Variants in LTV1 observed in about 807,000 individuals in gnomAD.
LTV1 encodes the protein protein LTV1 homolog.
Under a neutral mutation model 59.9 loss-of-function variants are expected in LTV1, and 39 were observed. That is an observed-to-expected ratio of 0.65 (90% CI 0.50 to 0.85). The LOEUF (loss-of-function observed/expected upper bound fraction) is 0.85, where lower values mean the gene tolerates loss of function less well. Ranked by LOEUF, LTV1 falls within the 40% of genes least tolerant of loss-of-function variation. LTV1 has a pLI of 0.00. For missense variants in LTV1, 493 were observed against 549.1 expected (o/e 0.90, Z 1.02); for synonymous variants, 171 against 189.5 (o/e 0.90, Z 0.80).
chr6:143,856,643 G>A (rs1050063538), intron 4 of LTV1, among the ~76,000 whole-genome samples: 3 of 152,160 alleles, frequency 2.0e-5, no homozygotes, highest in Non-Finnish European at 2.9e-5. Flanking sequence ...ATTTGTTGAT[G>A]TTGATGCTAT....
rs201630595 is a variant in LTV1, at chr6:143,863,282, G to T, written c.1313G>T (p.Arg438Leu). Residue 438 changes from arginine to leucine, a missense_variant, in exon 10 of 11, where the codon CGC (arginine) becomes CTC (leucine). Coordinates refer to ENST00000367576, the MANE Select transcript of LTV1 (RefSeq NM_032860.5). The surrounding 1 kb of genome is among the most constrained non-coding windows in gnomAD (Gnocchi z 4.5). ...RARKQAIKEERKERRVEKKAN... is the reference protein window; with the variant it reads ...RARKQAIKEELKERRVEKKAN... ...AGAAAGCAAGCTATAAAAGAAGAGC[G>T]CAAGGTAAAATATATTTTTCAAATG... The T allele has an allele frequency of 6.8e-6, 11 of 1,612,484 alleles. No homozygotes were observed. Among genetic ancestry groups the T allele is most frequent in the Admixed American group, 1.7e-5 (1 of 59,744 alleles).
chr6:143,846,183 C>T lies in LTV1; in HGVS notation c.268C>T (p.His90Tyr). Residue 90 changes from histidine (H) to tyrosine (Y), a missense_variant, in exon 3 of 11, where the codon CAC (histidine) becomes TAC (tyrosine). Transcript: ENST00000367576. ...ELIPSSTFSA[H>Y]NRREEKEETL... ...TATTCCCTCAAGTACCTTCAGTGCA[C>T]ACAACAGGAGAGAGGAGAAAGAAGA... 1.9e-6 allele frequency: 3 copies of T among 1,614,116 alleles called. No homozygotes were observed. The highest frequency in any genetic ancestry group is 1.3e-5 in the African/African-American group (1 of 75,022).
chr6:143,846,479 TAGAC>T (rs144852789), intron 3 of LTV1, among the ~76,000 whole-genome samples: 3,038 of 152,312 alleles, frequency 0.02, 125 homozygotes, highest in African/African-American at 0.07. Context: ...ATGGCCATGT[TAGAC>T]AGCACTTTTC....
At chr6:143,843,580 C>T (rs186357791) in intron 1 of LTV1, 100 bp downstream of exon 1, 1 of 1,481,946 alleles carries the variant, frequency 6.7e-7, no homozygotes, top group East Asian at 2.3e-5. Context: ...GGGTCTGGGT[C>T]ATGCCAGAGG....
At chr6:143,854,981 G>A (rs182671071) in intron 4 of LTV1, among the ~76,000 whole-genome samples, 8 of 152,286 alleles carry the variant, frequency 5.3e-5, no homozygotes, top group Admixed American at 2.0e-4. Context: ...CCAGGGCTGA[G>A]TTCAAGTCCT....
chr6:143,844,661 G>GTTT, intron 2 of LTV1, 44 bp downstream of exon 2: 2 of 1,358,158 alleles, frequency 1.5e-6, no homozygotes, highest in Non-Finnish European at 2.0e-6. Context: ...GTAGACAATA[G>GTTT]TTTTTTTTTT....
intron 4 of LTV1, among the ~76,000 whole-genome samples, chr6:143,856,431 T>C (rs1156582537): frequency 6.6e-6 from 1 of 152,256 alleles, no homozygotes; most frequent in Non-Finnish European, 1.5e-5. Context: ...TGAAGCATAC[T>C]TCTGTCAATT....
At chr6:143,853,651 C>T (rs1777024050) in intron 4 of LTV1, among the ~76,000 whole-genome samples, 4 of 152,160 alleles carry the variant, frequency 2.6e-5, no homozygotes, top group Non-Finnish European at 1.5e-5. Flanking sequence ...CCATCAATAC[C>T]TAGTTTATTG....
At chr6:143,853,569 A>G (rs946924901) in intron 4 of LTV1, among the ~76,000 whole-genome samples, 1 of 152,224 alleles carries the variant, frequency 6.6e-6, no homozygotes, top group African/African-American at 2.4e-5. Flanking sequence ...GAATGCTTCC[A>G]GCTTTTGCCC....
In LTV1 at chr6:143,855,489, A is replaced by G. The variant is rs749222884; in HGVS notation, c.398-1814A>G. Among the ~76,000 whole-genome samples the G allele has an allele frequency of 6.6e-6, 1 of 152,182 alleles. No individual in the cohort carries two copies. The highest frequency in any genetic ancestry group is 1.5e-5 in the Non-Finnish European group (1 of 68,028). On this transcript the variant is annotated intron_variant, in intron 4 of 10. Transcript: ENST00000367576. This position sits in a 1 kb window ranked among gnomAD's most constrained non-coding sequence, Gnocchi z 4.6. The stretch of plus-strand genomic sequence containing the variant: ...TGTGTTATTTGATTCTGTCATTATG[A>G]TGCTAGCTGGTTATTTTGCCCATTA...
chr6:143,852,335 CT>C (rs1179034608), intron 4 of LTV1, among the ~76,000 whole-genome samples: 1 of 152,162 alleles, frequency 6.6e-6, no homozygotes, highest in East Asian at 1.9e-4. Context: ...TGATGATGAG[CT>C]TTTTTTCATG....
intron 4 of LTV1, among the ~76,000 whole-genome samples, chr6:143,852,314 A>G (rs759513652): frequency 1.8e-4 from 27 of 152,328 alleles, no homozygotes; most frequent in African/African-American, 5.8e-4. Flanking sequence ...TTGCATTTCT[A>G]TAATGACCAG....
At chr6:143,858,735 G>C (rs1329353673) in intron 6 of LTV1, 1 of 153,046 alleles carries the variant, frequency 6.5e-6, no homozygotes, top group East Asian at 1.9e-4. Context: ...GGCCAAGTCA[G>C]CTGATCCGCC....
chr6:143,844,357 G>A, intron 1 of LTV1, 129 bp from the exon 2 acceptor site: 1 of 938,346 alleles, frequency 1.1e-6, no homozygotes, highest in Admixed American at 2.5e-5. Flanking sequence ...GATGTTGCCT[G>A]CCCTAGAAGT....
At chr6:143,847,483 T>A (rs1382641783) in intron 3 of LTV1, among the ~76,000 whole-genome samples, 1 of 152,196 alleles carries the variant, frequency 6.6e-6, no homozygotes, top group Non-Finnish European at 1.5e-5. Context: ...TGCCTCAGCC[T>A]CCCTAGAAGC....
intron 4 of LTV1, among the ~76,000 whole-genome samples, chr6:143,853,934 A>G (rs373419458): frequency 5.3e-5 from 8 of 152,104 alleles, no homozygotes; most frequent in South Asian, 2.1e-4. Flanking sequence ...TGTCTCTGCC[A>G]GGTTTTGGTA....
intron 4 of LTV1, among the ~76,000 whole-genome samples, chr6:143,856,828 G>A (rs115308352): frequency 0.067 from 10,165 of 152,200 alleles, 363 homozygotes; most frequent in South Asian, 0.094. Context: ...AGGGGTACCC[G>A]CCAGATGCCA....
rs771070602 is a variant in LTV1 at position 143,857,919 on chromosome 6, C to CA, written c.710dup (p.Ser238GlufsTer17). Reference sequence around the variant, plus strand: ...GATCACTTGTTCTGGAGTGAGGAAACAAAGAGTCGCTTCACGGAGTATTCG... The same window carrying CA: ...GATCACTTGTTCTGGAGTGAGGAAACAAAAGAGTCGCTTCACGGAGTATTCG... On this transcript the variant is annotated frameshift_variant, in exon 6 of 11. Coordinates refer to ENST00000367576, the MANE Select transcript of LTV1 (RefSeq NM_032860.5). LOFTEE classifies it high-confidence loss of function. This position sits in a 1 kb window ranked among gnomAD's most constrained non-coding sequence, Gnocchi z 5.2. 3.7e-6 allele frequency: 6 copies of CA among 1,614,044 alleles called. No homozygotes were observed. The highest frequency in any genetic ancestry group is 5.1e-6 in the Non-Finnish European group (6 of 1,180,002).
In LTV1 at chr6:143,862,059, A is replaced by AT; in HGVS notation, c.924-40dup. The stretch of plus-strand genomic sequence containing the variant: ...TAGTGACATAGTATAATAATAGGTC[A>AT]TTTTTCCCCCTCTTGGTCTTCACTT... On this transcript the variant is annotated intron_variant, in intron 7 of 10. Coordinates refer to ENST00000367576, the MANE Select transcript of LTV1 (RefSeq NM_032860.5). The surrounding 1 kb of genome is among the most constrained non-coding windows in gnomAD (Gnocchi z 4.2). The AT allele has an allele frequency of 6.3e-7, 1 of 1,585,568 alleles. No homozygotes were observed. Among genetic ancestry groups the AT allele is most frequent in the Non-Finnish European group, 8.6e-7 (1 of 1,168,270 alleles).
Sources: allele counts gnomAD v4.1 joint callset (sites outside exome capture counted in the v4.1 genomes callset), GRCh38; gene constraint gnomAD v4.1.1; non-coding constraint Gnocchi (gnomAD v3.1); transcripts MANE v1.5; gene names NCBI Gene and HGNC (gene_info 2026-07-23, HGNC 2026-07-21).